LTBP2: variants seen among roughly 807,000 people sequenced by gnomAD.
LTBP2 encodes latent-transforming growth factor beta-binding protein 2.
In LTBP2, 103 loss-of-function variants were observed where a neutral mutation model predicts 210.6. The ratio of observed to expected loss-of-function variants is 0.49; its 90% CI spans 0.42 to 0.58. The LOEUF (loss-of-function observed/expected upper bound fraction) is 0.58, where lower values mean the gene tolerates loss of function less well. Among genes scored for constraint, LTBP2 ranks in the 20% least tolerant of loss-of-function variants. LTBP2 has a pLI of 0.00. For missense variants in LTBP2, 2,313 were observed against 2,494.5 expected (o/e 0.93, Z 1.55); for synonymous variants, 1,007 against 1,015.0 (o/e 0.99, Z 0.15).
At chr14:74,507,389 A>G in intron 25 of LTBP2, 79 bp from the exon 26 acceptor site, 2 of 1,580,680 alleles carry the variant, frequency 1.3e-6, no homozygotes, top group African/African-American at 1.3e-5. Flanking sequence ...ATGCCCCACA[A>G]CCTCTGGGGT....
intron 7 of LTBP2, among the ~76,000 whole-genome samples, chr14:74,550,382 C>T (rs1461829592): frequency 6.6e-6 from 1 of 152,224 alleles, no homozygotes; most frequent in Non-Finnish European, 1.5e-5. Context: ...CAGGGATGAT[C>T]TGGGAATTCA....
intron 1 of LTBP2, among the ~76,000 whole-genome samples, chr14:74,608,635 C>T (rs559743670): frequency 1.3e-4 from 19 of 145,300 alleles, no homozygotes; most frequent in African/African-American, 4.0e-4. Context: ...GCTTGAGCCT[C>T]GGGGGTGGAG....
chr14:74,506,619 A>T, intron 27 of LTBP2, 79 bp downstream of exon 27: 1 of 1,596,462 alleles, frequency 6.3e-7, no homozygotes, highest in Non-Finnish European at 8.5e-7. Flanking sequence ...GAGCCACGTG[A>T]CCAGGACCAG....
intron 15 of LTBP2, among the ~76,000 whole-genome samples, chr14:74,523,840 AGGGAATGGGTTG>A (rs1595252247): frequency 6.6e-6 from 1 of 151,872 alleles, no homozygotes; most frequent in Non-Finnish European, 1.5e-5. Context: ...CGAAGACCCA[AGGGAATGGGTTG>A]GGGAATGGTC....
rs181307938 is a variant in LTBP2, at chr14:74,567,654, C to T, written c.831-11961G>A. Among the ~76,000 whole-genome samples the T allele has an allele frequency of 5.8e-4, 89 of 152,258 alleles. 1 individual carries two copies. The highest frequency in any genetic ancestry group is 2.0e-3 in the African/African-American group (85 of 41,568). ...GACCACCCAAAGGGTTGCAGCTCGG[C>T]GGGGGACACAGACCCCCAGGAGGGA... On this transcript the variant is annotated intron_variant, in intron 3 of 35. Coordinates refer to ENST00000261978, the MANE Select transcript of LTBP2 (RefSeq NM_000428.3).
At chr14:74,517,761 G>A (rs1163038708) in intron 17 of LTBP2, among the ~76,000 whole-genome samples, 2 of 152,100 alleles carry the variant, frequency 1.3e-5, no homozygotes, top group African/African-American at 4.8e-5. Flanking sequence ...GGATCTGTAG[G>A]GTGTGGTTTC....
intron 8 of LTBP2, among the ~76,000 whole-genome samples, chr14:74,539,503 T>C (rs1337887649): frequency 1.3e-5 from 2 of 152,068 alleles, no homozygotes; most frequent in South Asian, 4.2e-4. Flanking sequence ...GTCCAGGAGT[T>C]TGAGACCAGC....
chr14:74,521,131 G>A (rs1337571332), intron 17 of LTBP2, among the ~76,000 whole-genome samples: 2 of 152,180 alleles, frequency 1.3e-5, no homozygotes, highest in African/African-American at 2.4e-5. Context: ...GACCCTTGGG[G>A]GATTGGAACC....
Position 74,532,568 on chromosome 14 carries a change from G to A in LTBP2, c.1865-20C>T, listed in dbSNP as rs575858877. 2 of 1,613,554 alleles carry A rather than the reference G, an allele frequency of 1.2e-6. No homozygotes were observed. The highest frequency in any genetic ancestry group is 1.3e-5 in the African/African-American group (1 of 75,058). ...TGATATCTGCAGGGTTGGAGGAGAT[G>A]ACCAAGTGCCCGCCCCACGGAGGCC... On this transcript the variant is annotated intron_variant, in intron 9 of 35. Coordinates refer to ENST00000261978, the MANE Select transcript of LTBP2 (RefSeq NM_000428.3).
At position 74,499,407 on chromosome 14, in the gene LTBP2, G is replaced by A. The variant is rs2086886665; in HGVS notation, c.*1477C>T. ...TATTGGATAATTAAATGAAATGTAT[G>A]TATGGCACTCAGCACAGTGCCTGGC... is the stretch of plus-strand genomic sequence containing the variant. On this transcript the variant is annotated 3_prime_UTR_variant, in exon 36 of 36. Transcript: ENST00000261978. 1 of 224,286 alleles carries A rather than the reference G, an allele frequency of 4.5e-6. No individual in the cohort carries two copies. The highest frequency in any genetic ancestry group is 1.8e-4 in the South Asian group (1 of 5,470). 13.9% of individuals were successfully genotyped at this position (224,286 alleles called of 1,614,324 possible). A position where few individuals can be genotyped will look rare whatever the true frequency, so the allele number is the denominator to read the frequency against.
Position 74,505,868 on chromosome 14 carries a change from C to T in LTBP2, c.4177+180G>A, listed in dbSNP as rs928985267. Reference sequence around the variant, plus strand: ...CACCCTGTAGCTCCTGGTTTTGCTGCGCGCGGCCCTCAGCCTCCTCACCCC... The same window carrying T: ...CACCCTGTAGCTCCTGGTTTTGCTGTGCGCGGCCCTCAGCCTCCTCACCCC... On this transcript the variant is annotated intron_variant, in intron 28 of 35. Transcript: ENST00000261978. Among the ~76,000 whole-genome samples the T allele has an allele frequency of 3.7e-4, 56 of 152,168 alleles. 1 individual carries two copies. The highest frequency in any genetic ancestry group is 2.0e-4 in the Admixed American group (3 of 15,282).
At chr14:74,554,461 C>T (rs1400975698) in intron 4 of LTBP2, among the ~76,000 whole-genome samples, 4 of 151,902 alleles carry the variant, frequency 2.6e-5, no homozygotes, top group African/African-American at 9.7e-5. Context: ...ATCATGCCAC[C>T]ACACTCCAGC....
At chr14:74,542,349 GC>G (rs1289795444) in intron 8 of LTBP2, among the ~76,000 whole-genome samples, 1 of 152,232 alleles carries the variant, frequency 6.6e-6, no homozygotes, top group African/African-American at 2.4e-5. Context: ...TCCCAAGGAG[GC>G]CTCAGTAAAG....
chr14:74,577,618 C>T (rs2088077125), intron 3 of LTBP2, among the ~76,000 whole-genome samples: 1 of 151,686 alleles, frequency 6.6e-6, no homozygotes. Context: ...AAGCCATTCT[C>T]CCATCTCAGC....
At chr14:74,573,934 C>T (rs1018287419) in intron 3 of LTBP2, among the ~76,000 whole-genome samples, 1 of 152,130 alleles carries the variant, frequency 6.6e-6, no homozygotes, top group East Asian at 1.9e-4. Flanking sequence ...GATAGCACGA[C>T]TGGGGAGTAA....
chr14:74,547,167 C>T (rs909646331), intron 8 of LTBP2, among the ~76,000 whole-genome samples: 8 of 152,210 alleles, frequency 5.3e-5, no homozygotes, highest in African/African-American at 1.9e-4. Context: ...GTGAAGAATC[C>T]AGAGTGGCTC....
intron 3 of LTBP2, among the ~76,000 whole-genome samples, chr14:74,556,764 C>T (rs886316225): frequency 1.3e-5 from 2 of 152,334 alleles, no homozygotes; most frequent in Admixed American, 6.5e-5. Flanking sequence ...GTGATCCGCC[C>T]ACCTTGGCCT....
chr14:74,592,612 T>C (rs2088297837), intron 2 of LTBP2, among the ~76,000 whole-genome samples: 1 of 151,670 alleles, frequency 6.6e-6, no homozygotes. Flanking sequence ...GTGGGAGGGA[T>C]CACTTGGGCT....
chr14:74,531,810 A>T (rs1179118435), intron 10 of LTBP2, among the ~76,000 whole-genome samples: 1 of 152,250 alleles, frequency 6.6e-6, no homozygotes, highest in Non-Finnish European at 1.5e-5. Context: ...CAGTTCTGCC[A>T]TTGGGGGCTG....
Sources: gnomAD v4.1 joint callset for allele counts (sites outside exome capture counted in the v4.1 genomes callset) on GRCh38, gnomAD v4.1.1 for gene constraint, MANE v1.5 for transcripts, NCBI Gene and HGNC (gene_info 2026-07-23, HGNC 2026-07-21) for gene names.